The following TENM4 variants were observed in gnomAD, a reference collection of about 807,000 sequenced individuals.
The protein encoded by TENM4 is teneurin transmembrane protein 4.
In TENM4, 82 loss-of-function variants were observed where a neutral mutation model predicts 243.3. The observed-to-expected ratio is 0.34, with a 90% CI of 0.28 to 0.40. The LOEUF (loss-of-function observed/expected upper bound fraction) is 0.40, where lower values mean the gene tolerates loss of function less well. Ranked by LOEUF, TENM4 falls within the 10% of genes least tolerant of loss-of-function variation. The probability of loss-of-function intolerance (pLI) is 1.00; values close to 1 mark genes in which losing one functional copy is unlikely to be tolerated. For missense variants in TENM4, 3,138 were observed against 3,673.3 expected, an observed-to-expected ratio of 0.85 and a Z score of 3.77; for synonymous variants, 1,412 against 1,456.3, an observed-to-expected ratio of 0.97 and a Z score of 0.69.
At chr11:79,164,334 A>ATAGATATACTAGTATATATAGTATG (rs1458229051) in intron 3 of TENM4, among the ~76,000 whole-genome samples, 2 of 121,488 alleles carry the variant, frequency 1.6e-5, no homozygotes, top group Non-Finnish European at 3.1e-5. Flanking sequence ...TATATAGTAT[A>ATAGATATACTAGTATATATAGTATG]TAGATATACT....
chr11:79,115,663 T>G (rs1861603120), intron 4 of TENM4, among the ~76,000 whole-genome samples: 1 of 152,158 alleles, frequency 6.6e-6, no homozygotes, highest in African/African-American at 2.4e-5. Flanking sequence ...TTCTTAATGT[T>G]CCATGCTGGC....
Position 78,805,282 on chromosome 11 carries a change from C to CCCCCCCCCCCCCCCCCCCCCCCCTCTT in TENM4, c.2179+9_2179+10insAAGAGGGGGGGGGGGGGGGGGGGGGGG. 2 of 995,568 alleles carry CCCCCCCCCCCCCCCCCCCCCCCCTCTT rather than the reference C, an allele frequency of 2.0e-6. No individual in the cohort carries two copies. The highest frequency in any genetic ancestry group is 3.2e-5 in the South Asian group (1 of 30,968). The allele number at this position is 995,568 out of a possible 1,614,324, so 61.7% of individuals were successfully genotyped here. A position where few individuals can be genotyped will look rare whatever the true frequency, so the allele number is the denominator to read the frequency against. ...CCCTCTACCCATGCTTCTTCTCCCC[C>CCCCCCCCCCCCCCCCCCCCCCCCTCTT]TGCATTTACCGATAGAACAGTCGTG... is the stretch of plus-strand genomic sequence containing the variant. On this transcript the variant is annotated intron_variant, in intron 15 of 33. Coordinates refer to ENST00000278550, the MANE Select transcript of TENM4 (RefSeq NM_001098816.3).
At chr11:78,976,046 G>A (rs941102627) in intron 6 of TENM4, among the ~76,000 whole-genome samples, 5 of 152,248 alleles carry the variant, frequency 3.3e-5, no homozygotes, top group Admixed American at 6.5e-5. Context: ...ACATGCTTCC[G>A]ACTAAAATAA....
At chr11:79,369,138 AT>A (rs547760502) in intron 1 of TENM4, among the ~76,000 whole-genome samples, 21 of 150,166 alleles carry the variant, frequency 1.4e-4, no homozygotes, top group East Asian at 5.9e-4. Context: ...GAATGAAATC[AT>A]TTTTTTTTTA....
At chr11:79,375,627 C>T (rs1436978935) in intron 1 of TENM4, among the ~76,000 whole-genome samples, 1 of 152,082 alleles carries the variant, frequency 6.6e-6, no homozygotes, top group Non-Finnish European at 1.5e-5. Flanking sequence ...TAACACATAC[C>T]TGCCACGTAG....
At chr11:78,659,113 G>A (rs564655493) in intron 33 of TENM4, among the ~76,000 whole-genome samples, 1 of 152,220 alleles carries the variant, frequency 6.6e-6, no homozygotes, top group East Asian at 1.9e-4. Context: ...CATCATCCTT[G>A]CTCTTAAAGA....
intron 1 of TENM4, among the ~76,000 whole-genome samples, chr11:79,406,408 C>T (rs1341860088): frequency 6.6e-6 from 1 of 152,166 alleles, no homozygotes; most frequent in Non-Finnish European, 1.5e-5. Context: ...AATACTGTTG[C>T]CTCCTCATCC....
In TENM4 at chr11:78,658,429, C is replaced by T. The variant is rs184305763; in HGVS notation, c.7939G>A (p.Val2647Ile). 25 of 1,613,916 alleles carry T rather than the reference C, an allele frequency of 1.5e-5. No homozygotes were observed. Among genetic ancestry groups the T allele is most frequent in the East Asian group, 4.5e-5 (2 of 44,882 alleles). The change falls in exon 34 of 34, where the codon GTC (valine) becomes ATC (isoleucine). Residue 2647 changes from valine to isoleucine, a missense_variant. By Grantham distance (29) the Val-to-Ile change is conservative. This residue lies in a region of TENM4 where 2,467 missense variants were observed against 3,059.1 expected (regional missense o/e 0.81). Coordinates refer to ENST00000278550, the MANE Select transcript of TENM4 (RefSeq NM_001098816.3). ...ACTGTGTTGATCTGGGACACAGTGACGTTGACCCCATTCTCCAGGGTTCGC... is the reference window on the plus strand; with the variant it reads ...ACTGTGTTGATCTGGGACACAGTGATGTTGACCCCATTCTCCAGGGTTCGC... ...GRRTLENGVN[V>I]TVSQINTVLN...
intron 30 of TENM4, among the ~76,000 whole-genome samples, chr11:78,674,689 C>T (rs544370761): frequency 1.4e-4 from 22 of 152,220 alleles, no homozygotes; most frequent in African/African-American, 5.3e-4. Flanking sequence ...AGTGAGGCCA[C>T]AGAGAACAAA....
rs1043179732 is a variant in TENM4 at position 79,162,588 on chromosome 11, A to G, written c.-162-13782T>C. The stretch of plus-strand genomic sequence containing the variant: ...TTTCTAGCTCCACCGGAATCCCAAA[A>G]CTTATTTAATTTTCTTTAGCCTGAT... On this transcript the variant is annotated intron_variant, in intron 3 of 33. Coordinates refer to ENST00000278550, the MANE Select transcript of TENM4 (RefSeq NM_001098816.3). Among the ~76,000 whole-genome samples, 8 of 152,210 alleles carry G rather than the reference A, an allele frequency of 5.3e-5. No homozygotes were observed. The South Asian group carries it at 1.7e-3, about 32-fold the overall frequency.
chr11:79,132,790 C>T (rs1034165808), intron 4 of TENM4, among the ~76,000 whole-genome samples: 4 of 152,054 alleles, frequency 2.6e-5, no homozygotes, highest in African/African-American at 4.8e-5. Flanking sequence ...AAAAATTCTT[C>T]GAACTTAACG....
intron 2 of TENM4, among the ~76,000 whole-genome samples, chr11:79,250,810 T>C (rs894632288): frequency 6.6e-6 from 1 of 152,248 alleles, no homozygotes; most frequent in African/African-American, 2.4e-5. Context: ...AAACTTTCAA[T>C]TGCTTTTTAA....
intron 32 of TENM4, 142 bp from the exon 33 acceptor site, chr11:78,661,733 C>G: frequency 9.2e-7 from 1 of 1,092,688 alleles, no homozygotes; most frequent in South Asian, 1.6e-5. Context: ...CTGCTACATA[C>G]ACTTTTCATT....
intron 1 of TENM4, among the ~76,000 whole-genome samples, chr11:79,333,837 G>A (rs1857102827): frequency 6.6e-6 from 1 of 152,164 alleles, no homozygotes; most frequent in South Asian, 2.1e-4. Flanking sequence ...ACTTGTCTAC[G>A]ATCATCTAGC....
intron 4 of TENM4, among the ~76,000 whole-genome samples, chr11:79,099,010 T>C (rs870066): frequency 0.77 from 116,690 of 152,162 alleles, 46,245 homozygotes; most frequent in Middle Eastern, 0.95. Context: ...CTTTGCAAAC[T>C]GTTTAATTGG....
intron 6 of TENM4, among the ~76,000 whole-genome samples, chr11:78,939,139 T>G (rs1377227161): frequency 6.6e-6 from 1 of 152,212 alleles, no homozygotes; most frequent in Non-Finnish European, 1.5e-5. Flanking sequence ...TCCCGTTGTT[T>G]CCTTTCTCCT....
intron 2 of TENM4, among the ~76,000 whole-genome samples, chr11:79,289,069 G>C (rs746551038): frequency 2.0e-5 from 3 of 152,150 alleles, no homozygotes; most frequent in Non-Finnish European, 4.4e-5. Flanking sequence ...TCTTGAAAGA[G>C]CAATCATAAC....
At chr11:79,237,640 G>A (rs1186028461) in intron 2 of TENM4, among the ~76,000 whole-genome samples, 1 of 152,186 alleles carries the variant, frequency 6.6e-6, no homozygotes. Context: ...TCGTACCACT[G>A]CACTCCAGCC....
At chr11:79,276,664 C>T (rs1856062006) in intron 2 of TENM4, among the ~76,000 whole-genome samples, 1 of 152,140 alleles carries the variant, frequency 6.6e-6, no homozygotes, top group Non-Finnish European at 1.5e-5. Context: ...CAGAACCCAC[C>T]CCTCCAGGAC....
Sources: gnomAD v4.1 joint callset for allele counts (sites outside exome capture counted in the v4.1 genomes callset) on GRCh38, gnomAD v4.1.1 for gene constraint, gnomAD v4.1.1 regional missense constraint, MANE v1.5 for transcripts, NCBI Gene and HGNC (gene_info 2026-07-23, HGNC 2026-07-21) for gene names.